PLEKHA5: variants seen among roughly 807,000 people sequenced by gnomAD.
PLEKHA5 encodes the protein pleckstrin homology domain-containing family A member 5.
PLEKHA5 carries 55 observed loss-of-function variants against 181.9 expected under a neutral mutation model. The ratio of observed to expected loss-of-function variants is 0.30; its 90% CI spans 0.24 to 0.38. The LOEUF is 0.38. PLEKHA5 is among the 10% of genes least tolerant of loss of function. The probability of loss-of-function intolerance (pLI) is 1.00; values close to 1 mark genes in which losing one functional copy is unlikely to be tolerated. For missense variants in PLEKHA5, 1,432 were observed against 1,549.5 expected (o/e 0.92, Z 1.27); for synonymous variants, 535 against 529.4 (o/e 1.01, Z -0.15).
intron 3 of PLEKHA5, among the ~76,000 whole-genome samples, chr12:19,252,662 CTTTG>C (rs1470335372): frequency 6.6e-6 from 1 of 151,898 alleles, no homozygotes; most frequent in Non-Finnish European, 1.5e-5. Context: ...ACAGATTTTT[CTTTG>C]TTTTTGTTGT....
intron 3 of PLEKHA5, among the ~76,000 whole-genome samples, chr12:19,206,932 A>AG (rs1440483406): frequency 1.3e-5 from 2 of 152,176 alleles, no homozygotes; most frequent in Admixed American, 6.5e-5. Context: ...TAGTTTCTAA[A>AG]GCAATAAAAT....
intron 15 of PLEKHA5, chr12:19,306,427 C>G: frequency 3.4e-6 from 2 of 580,100 alleles, no homozygotes; most frequent in Non-Finnish European, 6.6e-6. Context: ...GCGACGGCGA[C>G]TGGAGCAGCA....
intron 3 of PLEKHA5, among the ~76,000 whole-genome samples, chr12:19,167,107 T>C (rs2044577951): frequency 6.6e-6 from 1 of 152,174 alleles, no homozygotes; most frequent in African/African-American, 2.4e-5. Context: ...TGTTAAGGAT[T>C]GTTTCCCTTT....
chr12:19,268,238 A>G (rs1029177798), intron 8 of PLEKHA5, among the ~76,000 whole-genome samples: 8 of 152,212 alleles, frequency 5.3e-5, no homozygotes, highest in Non-Finnish European at 1.0e-4. Context: ...TGAAGTACAC[A>G]TGTAGAGGTG....
At chr12:19,133,386 C>G (rs1010537063) in intron 3 of PLEKHA5, among the ~76,000 whole-genome samples, 1 of 151,658 alleles carries the variant, frequency 6.6e-6, no homozygotes, top group Non-Finnish European at 1.5e-5. Context: ...AACTATTTAC[C>G]TAAGAGTTTG....
intron 15 of PLEKHA5, chr12:19,306,262 G>A (rs951568599): frequency 4.4e-5 from 15 of 341,592 alleles, no homozygotes; most frequent in Non-Finnish European, 8.1e-5. Flanking sequence ...TTTCCGAGAT[G>A]TTGCCACGTA....
At chr12:19,272,783 TTAG>T (rs1409320771) in intron 10 of PLEKHA5, among the ~76,000 whole-genome samples, 2 of 152,182 alleles carry the variant, frequency 1.3e-5, no homozygotes, top group Non-Finnish European at 2.9e-5. Context: ...AATAATAGCT[TTAG>T]ATAGACTACA....
chr12:19,247,407 A>G (rs947377943), intron 3 of PLEKHA5, among the ~76,000 whole-genome samples: 6 of 152,194 alleles, frequency 3.9e-5, no homozygotes, highest in African/African-American at 1.4e-4. Flanking sequence ...TACCTACGTA[A>G]TTCATTATTT....
intron 20 of PLEKHA5, among the ~76,000 whole-genome samples, chr12:19,329,866 C>T (rs981744667): frequency 6.6e-6 from 1 of 151,318 alleles, no homozygotes; most frequent in South Asian, 2.1e-4. Flanking sequence ...TACTTGAGCC[C>T]AGGAGTTTGG....
intron 3 of PLEKHA5, among the ~76,000 whole-genome samples, chr12:19,177,458 TA>T (rs1458304325): frequency 6.6e-6 from 1 of 152,120 alleles, no homozygotes; most frequent in Non-Finnish European, 1.5e-5. Flanking sequence ...ATAGGGAAAC[TA>T]AGGATGAGGG....
At chr12:19,369,567 C>A in intron 30 of PLEKHA5, 126 bp from the exon 31 acceptor site, 3 of 552,522 alleles carry the variant, frequency 5.4e-6, no homozygotes, top group Non-Finnish European at 9.6e-6. Context: ...ACAATAGAAC[C>A]AAATGTATCT....
At chr12:19,273,102 T>C (rs1348951141) in intron 10 of PLEKHA5, among the ~76,000 whole-genome samples, 1 of 151,854 alleles carries the variant, frequency 6.6e-6, no homozygotes, top group African/African-American at 2.4e-5. Context: ...AGAGACGGGG[T>C]CTCACCATTT....
At chr12:19,307,839 C>T (rs963167907) in intron 15 of PLEKHA5, among the ~76,000 whole-genome samples, 6 of 151,120 alleles carry the variant, frequency 4.0e-5, no homozygotes, top group Admixed American at 1.3e-4. Context: ...GAGACAACAA[C>T]GAAGAAGCAG....
At chr12:19,211,937 C>G (rs1292019809) in intron 3 of PLEKHA5, among the ~76,000 whole-genome samples, 1 of 152,194 alleles carries the variant, frequency 6.6e-6, no homozygotes, top group Non-Finnish European at 1.5e-5. Flanking sequence ...CTCCATTCCT[C>G]TCCCGATTTC....
In PLEKHA5 at chr12:19,230,642, G is replaced by T. The variant is rs568994760; in HGVS notation, c.228-23298G>T. Among the ~76,000 whole-genome samples the T allele has an allele frequency of 2.6e-5, 4 of 152,316 alleles. No individual in the cohort carries two copies. The South Asian group carries it at 8.3e-4, about 32-fold the overall frequency. On this transcript the variant is annotated intron_variant, in intron 3 of 31. Coordinates refer to ENST00000429027, the MANE Select transcript of PLEKHA5 (RefSeq NM_001256470.2). ...TGCCTGGGGCCAGCAATGCCGGCCG[G>T]CCACTCTGAGTGCGGCCCGCGGAGC...
chr12:19,364,751 C>T (rs879640720), intron 29 of PLEKHA5, among the ~76,000 whole-genome samples: 1 of 151,666 alleles, frequency 6.6e-6, no homozygotes, highest in Non-Finnish European at 1.5e-5. Context: ...AACCTCTGCC[C>T]CGCCGCCCGA....
At chr12:19,137,045 CTT>C (rs879741090) in intron 3 of PLEKHA5, among the ~76,000 whole-genome samples, 2 of 147,576 alleles carry the variant, frequency 1.4e-5, no homozygotes, top group Non-Finnish European at 1.5e-5. Flanking sequence ...TTATACTTTA[CTT>C]TTTTTTTTTC....
At chr12:19,181,827 T>A (rs1395636400) in intron 3 of PLEKHA5, among the ~76,000 whole-genome samples, 1 of 151,952 alleles carries the variant, frequency 6.6e-6, no homozygotes, top group African/African-American at 2.4e-5. Flanking sequence ...ACAACTAAGG[T>A]AAGGTAATGG....
chr12:19,364,133 T>A (rs1322887606), intron 29 of PLEKHA5, among the ~76,000 whole-genome samples: 1 of 152,176 alleles, frequency 6.6e-6, no homozygotes, highest in Non-Finnish European at 1.5e-5. Context: ...ATCAAGTATT[T>A]ATCATGTTTT....
Sources: gnomAD v4.1 joint callset for allele counts (sites outside exome capture counted in the v4.1 genomes callset) on GRCh38, gnomAD v4.1.1 for gene constraint, MANE v1.5 for transcripts, NCBI Gene and HGNC (gene_info 2026-07-23, HGNC 2026-07-21) for gene names.